The following RSF1 variants were observed in gnomAD, a reference collection of about 807,000 sequenced individuals.
RSF1 encodes remodeling and spacing factor 1.
RSF1 carries 13 observed loss-of-function variants against 145.2 expected under a neutral mutation model. The observed-to-expected ratio is 0.09, with a 90% CI of 0.06 to 0.14. RSF1 has a LOEUF of 0.14. Ranked by LOEUF, RSF1 falls within the 10% of genes least tolerant of loss-of-function variation. RSF1 has a pLI of 1.00. For missense variants in RSF1, 1,517 were observed against 1,718.2 expected, an observed-to-expected ratio of 0.88 and a Z score of 2.07; for synonymous variants, 577 against 592.6, an observed-to-expected ratio of 0.97 and a Z score of 0.38.
intron 1 of RSF1, among the ~76,000 whole-genome samples, chr11:77,795,526 A>C (rs902107985): frequency 1.3e-4 from 20 of 152,206 alleles, no homozygotes; most frequent in African/African-American, 4.8e-4. Context: ...TCAGACACAC[A>C]GACCAATGAA....
chr11:77,786,549 T>G (rs1251968113), intron 1 of RSF1, among the ~76,000 whole-genome samples: 1 of 152,162 alleles, frequency 6.6e-6, no homozygotes, highest in African/African-American at 2.4e-5. Context: ...CTAGAATGTA[T>G]GTTCCATTAA....
intron 1 of RSF1, among the ~76,000 whole-genome samples, chr11:77,793,937 A>C (rs1948547156): frequency 6.6e-6 from 1 of 152,186 alleles, no homozygotes; most frequent in Admixed American, 6.5e-5. Context: ...AAAAAAGATG[A>C]TGAAGGTCAT....
At chr11:77,830,528 G>A in the RSF1 span, among the ~76,000 whole-genome samples, 1 of 134,604 alleles carries the variant, frequency 7.4e-6, no homozygotes, top group Non-Finnish European at 1.5e-5. Flanking sequence ...AATAAATATG[G>A]AGGGCTGTGT....
chr11:77,813,609 G>A, intron 1 of RSF1: 1 of 638,524 alleles, frequency 1.6e-6, no homozygotes, highest in Non-Finnish European at 2.9e-6. Context: ...GCTCGTTAGA[G>A]TGATTCAATT....
chr11:77,776,398 C>T (rs908313236), intron 1 of RSF1, among the ~76,000 whole-genome samples: 1 of 152,004 alleles, frequency 6.6e-6, no homozygotes, highest in African/African-American at 2.4e-5. Context: ...TATATTTTGT[C>T]TTTACTCCTT....
At chr11:77,862,137 T>C in the RSF1 span, among the ~76,000 whole-genome samples, 12 of 152,318 alleles carry the variant, frequency 7.9e-5, no homozygotes, top group African/African-American at 2.9e-4. Flanking sequence ...GGCACCAATC[T>C]GTATGTTCTG....
upstream of RSF1, among the ~76,000 whole-genome samples, chr11:77,823,017 C>T (rs1469593989): frequency 6.6e-6 from 1 of 152,002 alleles, no homozygotes; most frequent in African/African-American, 2.4e-5. Context: ...AGATCAAGAC[C>T]ATCCTGGCTA....
chr11:77,693,304 T>TA (rs1473458581), intron 8 of RSF1, among the ~76,000 whole-genome samples: 3 of 152,122 alleles, frequency 2.0e-5, no homozygotes, highest in Non-Finnish European at 2.9e-5. Context: ...TTACAAAACT[T>TA]AGAGGGCTTT....
At chr11:77,668,216 G>T (rs1051110338) in intron 15 of RSF1, among the ~76,000 whole-genome samples, 9 of 151,798 alleles carry the variant, frequency 5.9e-5, no homozygotes, top group African/African-American at 1.9e-4. Context: ...TGGCCAGACT[G>T]ATCTCGAACT....
At chr11:77,825,389 G>C (rs184518632), upstream of RSF1, among the ~76,000 whole-genome samples, 7 of 152,228 alleles carry the variant, frequency 4.6e-5, no homozygotes, top group East Asian at 1.4e-3. Flanking sequence ...GAGCAAATTA[G>C]GTTTATCTAA....
chr11:77,762,866 A>AGAAAGACGG (rs1257452468), intron 2 of RSF1: 2 of 152,216 alleles, frequency 1.3e-5, no homozygotes, highest in East Asian at 1.9e-4. Flanking sequence ...TGCCACAAGG[A>AGAAAGACGG]GAAAGACGAG....
intron 9 of RSF1, among the ~76,000 whole-genome samples, chr11:77,686,236 TATAAAAATTGAAAAA>T (rs1171387025): frequency 6.6e-6 from 1 of 151,614 alleles, no homozygotes; most frequent in Admixed American, 6.6e-5. Flanking sequence ...CGCCTGTTTC[TATAAAAATTGAAAAA>T]ATAAAAATTG....
intron 14 of RSF1, among the ~76,000 whole-genome samples, chr11:77,673,899 CA>C (rs1205040728): frequency 8.6e-5 from 13 of 151,414 alleles, no homozygotes; most frequent in Non-Finnish European, 1.3e-4. Flanking sequence ...CAAGATGAGA[CA>C]AAATTTGAGG....
intron 1 of RSF1, among the ~76,000 whole-genome samples, chr11:77,793,707 C>G (rs1948543411): frequency 6.6e-6 from 1 of 152,172 alleles, no homozygotes; most frequent in African/African-American, 2.4e-5. Context: ...TTCAGTTGAT[C>G]TGGCTGGCTA....
At chr11:77,687,125 A>G (rs550252001) in intron 9 of RSF1, among the ~76,000 whole-genome samples, 81 of 152,290 alleles carry the variant, frequency 5.3e-4, no homozygotes, top group Middle Eastern at 3.4e-3. Context: ...TTAGAAACAC[A>G]TATTTTGCTG....
intron 6 of RSF1, among the ~76,000 whole-genome samples, chr11:77,699,199 A>T (rs527289649): frequency 7.2e-5 from 11 of 152,312 alleles, no homozygotes; most frequent in African/African-American, 2.6e-4. Flanking sequence ...TCATGTAAAA[A>T]TTTAAAATCC....
At chr11:77,871,351 T>C in the RSF1 span, among the ~76,000 whole-genome samples, 1 of 152,204 alleles carries the variant, frequency 6.6e-6, no homozygotes, top group Non-Finnish European at 1.5e-5. Flanking sequence ...TATAAATTCA[T>C]TTACAGATAT....
chr11:77,772,848 G>GAAAAAAAAAA (rs1161762028), intron 1 of RSF1, among the ~76,000 whole-genome samples: 1 of 85,194 alleles, frequency 1.2e-5, no homozygotes, highest in East Asian at 3.8e-4. Flanking sequence ...GCCCAAGATG[G>GAAAAAAAAAA]AAAAAAAAAA....
the RSF1 span, chr11:77,830,206 G>A: frequency 6.6e-6 from 1 of 152,174 alleles, no homozygotes; most frequent in Non-Finnish European, 1.5e-5. Flanking sequence ...GATTCATCTA[G>A]AATATGTTAA....
Sources: gnomAD v4.1 joint callset for allele counts (sites outside exome capture counted in the v4.1 genomes callset) on GRCh38, gnomAD v4.1.1 for gene constraint, MANE v1.5 for transcripts, NCBI Gene and HGNC (gene_info 2026-07-23, HGNC 2026-07-21) for gene names.